Variants in KIAA0513 observed in about 807,000 individuals in gnomAD.
KIAA0513 encodes the protein uncharacterized protein KIAA0513.
KIAA0513 carries 39 observed loss-of-function variants against 56.5 expected under a neutral mutation model. The observed-to-expected ratio is 0.69, with a 90% CI of 0.53 to 0.90. The LOEUF is 0.90. Among genes scored for constraint, KIAA0513 ranks in the 40% least tolerant of loss-of-function variants. The pLI, the probability that KIAA0513 is intolerant of heterozygous loss-of-function variation, is 0.00. For synonymous variants in KIAA0513, 268 were observed against 215.6 expected (o/e 1.24, Z -2.13); for missense variants, 591 against 535.2 (o/e 1.10, Z -1.03).
At chr16:85,079,166 G>A in intron 8 of KIAA0513, 163 bp downstream of exon 8, 1 of 1,431,614 alleles carries the variant, frequency 7.0e-7, no homozygotes, top group Admixed American at 2.4e-5. Context: ...CGTTGGTGAG[G>A]ATGTGGAGAA....
chr16:85,052,336 A>G (rs2073264763), intron 1 of KIAA0513, among the ~76,000 whole-genome samples: 1 of 151,682 alleles, frequency 6.6e-6, no homozygotes, highest in Admixed American at 6.6e-5. Context: ...AAGCAACAAC[A>G]ACAACAACAA....
chr16:85,077,716 G>A (rs903601197), intron 6 of KIAA0513, 84 bp downstream of exon 6: 5 of 992,852 alleles, frequency 5.0e-6, no homozygotes, highest in African/African-American at 5.0e-5. Context: ...AGCAGGGAGG[G>A]TGCGGGTGAG....
chr16:85,077,446 C>T lies in KIAA0513; in HGVS notation c.596C>T (p.Pro199Leu), dbSNP rs780275368. Residue 199 changes from proline (P) to leucine (L), a missense_variant, in exon 6 of 13, where the codon CCG becomes CTG. Coordinates refer to ENST00000683363, the MANE Select transcript of KIAA0513 (RefSeq NM_001388359.1). ...YHIGKPQLLP[P>L]ESREKPAGSI... ...CAAGGAAAACCACAGCTGCTGCCCC[C>T]GGAGTCCCGGGAGAAGCCCGCGGGC... The T allele has an allele frequency of 5.9e-5, 95 of 1,614,074 alleles. No individual in the cohort carries two copies. The Middle Eastern group carries it at 9.9e-4, about 17-fold the overall frequency.
At chr16:85,082,978 C>T (rs187899133) in intron 10 of KIAA0513, among the ~76,000 whole-genome samples, 513 of 152,386 alleles carry the variant, frequency 3.4e-3, no homozygotes, top group African/African-American at 0.011. Flanking sequence ...CTGAGCAGAC[C>T]TGAAAGCCTC....
Position 85,090,215 on chromosome 16 carries a change from C to T in KIAA0513, c.*1890C>T, listed in dbSNP as rs2073854274. ...AGATAATACACACCTCCTGCAGCGT[C>T]CAGCCACGGCTCCAGGGCACTGCTC... On this transcript the variant is annotated 3_prime_UTR_variant, in exon 13 of 13. Coordinates refer to ENST00000683363, the MANE Select transcript of KIAA0513 (RefSeq NM_001388359.1). 6.6e-6 allele frequency: 1 copy of T among 152,236 alleles called. No individual in the cohort carries two copies. Among genetic ancestry groups the T allele is most frequent in the African/African-American group, 2.4e-5 (1 of 41,448 alleles). 9.4% of individuals were successfully genotyped at this position (152,236 alleles called of 1,614,324 possible).
intron 12 of KIAA0513, among the ~76,000 whole-genome samples, chr16:85,087,624 G>A (rs933684214): frequency 2.0e-5 from 3 of 152,246 alleles, no homozygotes; most frequent in African/African-American, 7.2e-5. Flanking sequence ...TGGCTTCTGT[G>A]ACAGCAGGGA....
intron 1 of KIAA0513, among the ~76,000 whole-genome samples, chr16:85,062,908 C>T (rs1288770978): frequency 6.6e-6 from 1 of 152,178 alleles, no homozygotes; most frequent in East Asian, 1.9e-4. Flanking sequence ...ATGACCTTTC[C>T]TTCTTAGAGG....
chr16:85,035,578 T>A lies in KIAA0513; in HGVS notation c.-173+7720T>A, dbSNP rs552298041. ...CAATCACCGCTCACTGCAGCCTTGA[T>A]CTCCCGGGCTCCAGTGATCCTCCCA... On this transcript the variant is annotated intron_variant, in intron 1 of 12. Coordinates refer to ENST00000683363, the MANE Select transcript of KIAA0513 (RefSeq NM_001388359.1). 2.4e-4 allele frequency among the ~76,000 whole-genome samples: 36 copies of A among 152,268 alleles called. No individual in the cohort carries two copies. The South Asian group carries it at 3.3e-3, about 14-fold the overall frequency.
chr16:85,086,904 A>G (rs2291963), intron 11 of KIAA0513, 168 bp from the exon 12 acceptor site: 322,701 of 811,632 alleles, frequency 0.4, 64,949 homozygotes, highest in Middle Eastern at 0.46. Flanking sequence ...CCTGGTGGCC[A>G]CAGTGCCACA....
chr16:85,075,904 C>T lies in KIAA0513; in HGVS notation c.564C>T (p.Tyr188=), dbSNP rs2073649031. The change falls in exon 5 of 13, where the codon TAC becomes TAT. Residue 188 remains tyrosine, a synonymous_variant. Transcript: ENST00000683363. ...AKNLMTMCFT[Y]YHIGKPQLLP... is the part of the protein sequence containing the mutation. ...ACCTCATGACCATGTGCTTCACCTA[C>T]TACCACATCGGTAAGACATGGGTGG... 6.2e-7 allele frequency: 1 copy of T among 1,613,434 alleles called. No homozygotes were observed. The highest frequency in any genetic ancestry group is 8.5e-7 in the Non-Finnish European group (1 of 1,179,346).
intron 1 of KIAA0513, among the ~76,000 whole-genome samples, chr16:85,045,154 G>T (rs2073154797): frequency 6.6e-6 from 1 of 151,930 alleles, no homozygotes; most frequent in African/African-American, 2.4e-5. Context: ...AAAAAAGAAA[G>T]CATCTGTCCC....
intron 1 of KIAA0513, among the ~76,000 whole-genome samples, chr16:85,054,480 A>G (rs980398824): frequency 1.1e-4 from 15 of 142,270 alleles, no homozygotes; most frequent in African/African-American, 3.7e-4. Context: ...GCCCAGGCTG[A>G]AGTGCAGTGG....
chr16:85,083,314 G>C (rs554139271), intron 10 of KIAA0513, among the ~76,000 whole-genome samples: 1 of 152,288 alleles, frequency 6.6e-6, no homozygotes, highest in East Asian at 1.9e-4. Context: ...TTTAAATAGA[G>C]TCCCTGAGAC....
chr16:85,037,045 A>T (rs533242196), intron 1 of KIAA0513, among the ~76,000 whole-genome samples: 2 of 152,228 alleles, frequency 1.3e-5, no homozygotes, highest in Admixed American at 1.3e-4. Flanking sequence ...GCCAAGGCTG[A>T]TGGGGATGGT....
chr16:85,034,291 A>T (rs28585031), intron 1 of KIAA0513, among the ~76,000 whole-genome samples: 4,785 of 152,172 alleles, frequency 0.031, 256 homozygotes, highest in African/African-American at 0.11. Flanking sequence ...GAGGCAGGAG[A>T]ATTGCTTGAA....
At chr16:85,040,646 A>C (rs1488157500) in intron 1 of KIAA0513, among the ~76,000 whole-genome samples, 1 of 152,204 alleles carries the variant, frequency 6.6e-6, no homozygotes, top group East Asian at 1.9e-4. Flanking sequence ...GGTTCCACGC[A>C]GGCCCCATCT....
chr16:85,032,446 C>T (rs1378512991), intron 1 of KIAA0513, among the ~76,000 whole-genome samples: 1 of 152,220 alleles, frequency 6.6e-6, no homozygotes, highest in Non-Finnish European at 1.5e-5. Flanking sequence ...CATTCTTCTG[C>T]CTCAGCCTCC....
chr16:85,048,169 G>T (rs979443356), intron 1 of KIAA0513, among the ~76,000 whole-genome samples: 3 of 152,220 alleles, frequency 2.0e-5, no homozygotes, highest in Admixed American at 6.5e-5. Context: ...GCAGGATCCT[G>T]TGGGCCTCTG....
At chr16:85,087,507 A>C (rs1173786230) in intron 12 of KIAA0513, among the ~76,000 whole-genome samples, 3 of 152,246 alleles carry the variant, frequency 2.0e-5, no homozygotes, top group Admixed American at 2.0e-4. Flanking sequence ...GCCCCCTTCT[A>C]AATGGCTGTC....
Sources: gnomAD v4.1 joint callset for allele counts (sites outside exome capture counted in the v4.1 genomes callset) on GRCh38, gnomAD v4.1.1 for gene constraint, MANE v1.5 for transcripts, NCBI Gene and HGNC (gene_info 2026-07-23, HGNC 2026-07-21) for gene names.